The following HS6ST3 variants were observed in gnomAD, a reference collection of about 807,000 sequenced individuals.
The protein encoded by HS6ST3 is heparan-sulfate 6-O-sulfotransferase 3.
Under a neutral mutation model 36.7 loss-of-function variants are expected in HS6ST3, and 12 were observed. The ratio of observed to expected loss-of-function variants is 0.33; its 90% CI spans 0.21 to 0.53. The LOEUF (loss-of-function observed/expected upper bound fraction) is 0.53, where lower values mean the gene tolerates loss of function less well. Among genes scored for constraint, HS6ST3 ranks in the 20% least tolerant of loss-of-function variants. The pLI is 0.95. For missense variants in HS6ST3, 584 were observed against 640.9 expected (o/e 0.91, Z 0.96); for synonymous variants, 240 against 257.5 (o/e 0.93, Z 0.65).
chr13:96,244,769 G>A (rs1435844388), intron 1 of HS6ST3, among the ~76,000 whole-genome samples: 2 of 152,094 alleles, frequency 1.3e-5, no homozygotes, highest in South Asian at 4.1e-4. Flanking sequence ...ATTCTGCCAG[G>A]GATCGAAATC....
chr13:96,738,637 T>C (rs566498018), intron 1 of HS6ST3, among the ~76,000 whole-genome samples: 5 of 152,150 alleles, frequency 3.3e-5, no homozygotes, highest in Admixed American at 6.5e-5. Flanking sequence ...CTTGTGGTCA[T>C]TGAGAATGTA....
chr13:96,129,650 G>A (rs535417616), intron 1 of HS6ST3, among the ~76,000 whole-genome samples: 6 of 152,312 alleles, frequency 3.9e-5, no homozygotes, highest in Non-Finnish European at 8.8e-5. Flanking sequence ...GATTTGAATT[G>A]TGTTTCCCCA....
chr13:96,346,155 C>T (rs555497408), intron 1 of HS6ST3, among the ~76,000 whole-genome samples: 187 of 152,284 alleles, frequency 1.2e-3, no homozygotes, highest in Non-Finnish European at 2.3e-3. Context: ...TGGATCAGTA[C>T]GGTCCATGGC....
intron 1 of HS6ST3, among the ~76,000 whole-genome samples, chr13:96,705,326 G>A (rs1463597068): frequency 6.6e-6 from 1 of 152,048 alleles, no homozygotes; most frequent in Non-Finnish European, 1.5e-5. Flanking sequence ...AACTGCATAT[G>A]GACAAAAATA....
chr13:96,305,847 ATTT>A (rs574864875), intron 1 of HS6ST3, among the ~76,000 whole-genome samples: 3 of 122,864 alleles, frequency 2.4e-5, no homozygotes, highest in Non-Finnish European at 3.5e-5. Flanking sequence ...CCCTTAGTTA[ATTT>A]TTTTTTTTTT....
At chr13:96,375,676 A>T (rs559846371) in intron 1 of HS6ST3, among the ~76,000 whole-genome samples, 16 of 152,326 alleles carry the variant, frequency 1.1e-4, no homozygotes, top group African/African-American at 2.6e-4. Context: ...AAGCCAATTA[A>T]CATGTGCCAC....
chr13:96,316,232 G>A (rs2054968687), intron 1 of HS6ST3, among the ~76,000 whole-genome samples: 2 of 151,072 alleles, frequency 1.3e-5, no homozygotes, highest in Non-Finnish European at 2.9e-5. Flanking sequence ...ACACATATGT[G>A]CATATACACA....
chr13:96,166,010 G>A (rs1336977613), intron 1 of HS6ST3, among the ~76,000 whole-genome samples: 1 of 149,810 alleles, frequency 6.7e-6, no homozygotes, highest in African/African-American at 2.5e-5. Context: ...AAGGATGGAA[G>A]GGTGGAAGGG....
chr13:96,250,979 G>A (rs1268825663), intron 1 of HS6ST3, among the ~76,000 whole-genome samples: 4 of 152,084 alleles, frequency 2.6e-5, no homozygotes, highest in African/African-American at 9.7e-5. Flanking sequence ...ATGTACTGTT[G>A]AACTTGGTTT....
At chr13:96,390,621 T>C (rs2139451398) in intron 1 of HS6ST3, among the ~76,000 whole-genome samples, 1 of 152,320 alleles carries the variant, frequency 6.6e-6, no homozygotes, top group Middle Eastern at 3.4e-3. Flanking sequence ...ACATACAATA[T>C]CCTGAGATCA....
intron 1 of HS6ST3, among the ~76,000 whole-genome samples, chr13:96,095,382 G>C (rs2053785249): frequency 6.6e-6 from 1 of 152,170 alleles, no homozygotes; most frequent in Non-Finnish European, 1.5e-5. Flanking sequence ...AGGATAGAAT[G>C]GCAATTTTTC....
intron 1 of HS6ST3, among the ~76,000 whole-genome samples, chr13:96,261,964 G>A (rs888691058): frequency 2.0e-5 from 3 of 152,172 alleles, no homozygotes; most frequent in East Asian, 1.9e-4. Context: ...AGGATCAACC[G>A]CTTTTGTAGA....
chr13:96,587,278 C>G (rs1367538413), intron 1 of HS6ST3, among the ~76,000 whole-genome samples: 4 of 151,478 alleles, frequency 2.6e-5, no homozygotes, highest in Non-Finnish European at 5.9e-5. Flanking sequence ...TTTGGTTATT[C>G]AGGTTTTTTT....
At chr13:96,752,972 TG>T (rs1876736816) in intron 1 of HS6ST3, among the ~76,000 whole-genome samples, 1 of 152,164 alleles carries the variant, frequency 6.6e-6, no homozygotes, top group African/African-American at 2.4e-5. Context: ...GTTCAAATAT[TG>T]TTTCCCCCAC....
At chr13:96,578,258 G>A (rs910019148) in intron 1 of HS6ST3, among the ~76,000 whole-genome samples, 38 of 152,212 alleles carry the variant, frequency 2.5e-4, no homozygotes, top group African/African-American at 8.0e-4. Flanking sequence ...CCTGAACAGG[G>A]CCTAGTCAGG....
intron 1 of HS6ST3, among the ~76,000 whole-genome samples, chr13:96,785,721 T>C (rs1448925738): frequency 2.0e-5 from 3 of 152,094 alleles, no homozygotes; most frequent in Non-Finnish European, 4.4e-5. Flanking sequence ...GAGACATGCA[T>C]ACACACACAA....
chr13:96,407,474 C>G (rs2055484432), intron 1 of HS6ST3, among the ~76,000 whole-genome samples: 1 of 152,136 alleles, frequency 6.6e-6, no homozygotes, highest in Admixed American at 6.5e-5. Context: ...ATTAAATGGG[C>G]AAGGCCATGC....
chr13:96,538,635 G>A (rs557502290), intron 1 of HS6ST3, among the ~76,000 whole-genome samples: 102 of 152,082 alleles, frequency 6.7e-4, no homozygotes, highest in African/African-American at 2.4e-3. Flanking sequence ...GTAGAGATGG[G>A]GTTTTGCCAT....
intron 1 of HS6ST3, among the ~76,000 whole-genome samples, chr13:96,635,444 C>T (rs1048081221): frequency 6.6e-6 from 1 of 152,016 alleles, no homozygotes; most frequent in African/African-American, 2.4e-5. Flanking sequence ...GAACCCACCC[C>T]CCTCTTCACT....
Sources: gnomAD v4.1 joint callset for allele counts (sites outside exome capture counted in the v4.1 genomes callset) on GRCh38, gnomAD v4.1.1 for gene constraint, MANE v1.5 for transcripts, NCBI Gene and HGNC (gene_info 2026-07-23, HGNC 2026-07-21) for gene names.